The following PDXDC1 variants were observed in gnomAD, a reference collection of about 807,000 sequenced individuals.
PDXDC1 encodes pyridoxal dependent decarboxylase domain containing 1.
PDXDC1 carries 42 observed loss-of-function variants against 100.1 expected under a neutral mutation model. The ratio of observed to expected loss-of-function variants is 0.42; its 90% CI spans 0.33 to 0.54. PDXDC1 has a LOEUF of 0.54. Ranked by LOEUF, PDXDC1 falls within the 20% of genes least tolerant of loss-of-function variation. The pLI, the probability that PDXDC1 is intolerant of heterozygous loss-of-function variation, is 0.10. For synonymous variants in PDXDC1, 260 were observed against 371.7 expected, an observed-to-expected ratio of 0.70 and a Z score of 3.46; for missense variants, 636 against 979.2, an observed-to-expected ratio of 0.65 and a Z score of 4.68.
chr16:15,098,999 G>C (rs573115994), intron 16 of PDXDC1, among the ~76,000 whole-genome samples: 1 of 152,196 alleles, frequency 6.6e-6, no homozygotes, highest in Non-Finnish European at 1.5e-5. Context: ...CTTTTTGAAG[G>C]CTGTGCCAAT....
chr16:15,085,492 T>G (rs1286714091), intron 16 of PDXDC1: 22 of 941,066 alleles, frequency 2.3e-5, no homozygotes. Context: ...AAAAAAAATG[T>G]TTTTTTGCAG....
chr16:15,121,930 CAA>C (rs1460638097), intron 16 of PDXDC1: 1 of 252,802 alleles, frequency 4.0e-6, no homozygotes, highest in African/African-American at 2.4e-5. Context: ...ATCACGAGGT[CAA>C]GAGATGGAGA....
chr16:15,013,523 A>C (rs998877137), intron 8 of PDXDC1, among the ~76,000 whole-genome samples: 2 of 152,246 alleles, frequency 1.3e-5, no homozygotes, highest in African/African-American at 4.8e-5. Context: ...CATGCTCTAT[A>C]TATTTGTCAA....
At chr16:15,085,549 C>G (rs1028022648) in intron 16 of PDXDC1, 2 of 1,561,142 alleles carry the variant, frequency 1.3e-6, no homozygotes, top group Admixed American at 1.9e-5. Flanking sequence ...AACTCTTGGC[C>G]TCAAGTGATC....
chr16:15,030,456 G>T (rs186938772), intron 16 of PDXDC1, among the ~76,000 whole-genome samples: 2 of 126,884 alleles, frequency 1.6e-5, no homozygotes, highest in African/African-American at 5.7e-5. Context: ...TGAGGCAGGA[G>T]AATCACTTGA....
intron 16 of PDXDC1, chr16:15,128,400 AGAGG>A: frequency 6.7e-7 from 1 of 1,498,780 alleles, no homozygotes; most frequent in Non-Finnish European, 9.2e-7. Flanking sequence ...CTGGAGGGCA[AGAGG>A]GAGGGGTGGG....
chr16:15,145,881 G>A, the PDXDC1 span, among the ~76,000 whole-genome samples: 1 of 152,234 alleles, frequency 6.6e-6, no homozygotes, highest in South Asian at 2.1e-4. Context: ...AGGGTGCTTG[G>A]CGGGCTGGGC....
chr16:15,139,831 C>A (rs1197863416), downstream of PDXDC1, among the ~76,000 whole-genome samples: 1 of 152,058 alleles, frequency 6.6e-6, no homozygotes, highest in South Asian at 2.1e-4. Flanking sequence ...GGCACGGTGG[C>A]TCACTCCTGT....
chr16:15,033,362 T>C lies in PDXDC1; in HGVS notation c.1775T>C (p.Ile592Thr), dbSNP rs755874839. ...NVDAAELVET[I>T]AATAREIEEN... ...GATGCTGCTGAGCTCGTGGAGACCA[T>C]TGCGGCCACAGCCCGGGAGATAGAG... Residue 592 changes from isoleucine (I) to threonine (T), a missense_variant, in exon 19 of 23, where the codon ATT becomes ACT. By Grantham distance (89) the Ile-to-Thr change is moderately conservative. This residue lies in a region of PDXDC1 where 452 missense variants were observed against 402.9 expected (regional missense o/e 1.12). Coordinates refer to ENST00000396410, the MANE Select transcript of PDXDC1 (RefSeq NM_015027.4). 5.6e-6 allele frequency: 9 copies of C among 1,614,074 alleles called. No homozygotes were observed. The highest frequency in any genetic ancestry group is 7.6e-6 in the Non-Finnish European group (9 of 1,180,010).
the PDXDC1 span, among the ~76,000 whole-genome samples, chr16:15,144,426 C>T: frequency 6.6e-6 from 1 of 152,188 alleles, no homozygotes; most frequent in Non-Finnish European, 1.5e-5. Context: ...CAGACGGCTG[C>T]TGGCTCCGCC....
intron 16 of PDXDC1, chr16:15,128,086 C>G: frequency 1.2e-6 from 2 of 1,609,150 alleles, no homozygotes; most frequent in Non-Finnish European, 1.7e-6. Context: ...TGTGTGCCGT[C>G]TGCAGGTCCC....
chr16:15,143,681 G>A (rs957774194), downstream of PDXDC1, among the ~76,000 whole-genome samples: 3 of 152,206 alleles, frequency 2.0e-5, no homozygotes, highest in African/African-American at 4.8e-5. Context: ...AGCCGGGGTC[G>A]GGGCGTGCAA....
chr16:15,011,746 C>T (rs1309058248), intron 8 of PDXDC1, among the ~76,000 whole-genome samples: 1 of 152,178 alleles, frequency 6.6e-6, no homozygotes, highest in Non-Finnish European at 1.5e-5. Flanking sequence ...TCACTGCAAC[C>T]TCCGCCTCCC....
intron 16 of PDXDC1, among the ~76,000 whole-genome samples, chr16:15,053,169 T>C (rs2044362472): frequency 6.6e-6 from 1 of 152,266 alleles, no homozygotes; most frequent in Non-Finnish European, 1.5e-5. Context: ...TCGTGGCTAC[T>C]GTACTGAATA....
At chr16:15,030,552 A>G (rs1330216032) in intron 16 of PDXDC1, among the ~76,000 whole-genome samples, 2 of 148,442 alleles carry the variant, frequency 1.3e-5, no homozygotes. Flanking sequence ...CTCAAAAAAA[A>G]AAAAAAAAAA....
chr16:15,054,144 G>A (rs1191525486), intron 16 of PDXDC1, among the ~76,000 whole-genome samples: 7 of 152,148 alleles, frequency 4.6e-5, no homozygotes, highest in African/African-American at 1.7e-4. Flanking sequence ...CGCCCCAGGC[G>A]GCTTGCCCAG....
rs764452747 is a variant in PDXDC1 at position 15,127,873 on chromosome 16, C to T, written c.1400-11006C>T. 43 of 1,560,476 alleles carry T rather than the reference C, an allele frequency of 2.8e-5. No homozygotes were observed. The South Asian group carries it at 3.6e-4, about 13-fold the overall frequency. On this transcript the variant is annotated intron_variant, in intron 16 of 16. Coordinates refer to the PDXDC1 transcript ENST00000535621. ...CTGCAGCTCAGCCACCAGCAGGCGC[C>T]GGAAGCGCAACAGGGCTGCGTGACC...
intron 16 of PDXDC1, chr16:15,127,375 C>T (rs542963218): frequency 3.1e-4 from 292 of 943,380 alleles, no homozygotes; most frequent in Middle Eastern, 6.2e-4. Flanking sequence ...GACGCCTTTC[C>T]CTCTGGCTGC....
intron 16 of PDXDC1, chr16:15,044,257 T>C (rs1428743658): frequency 5.6e-5 from 54 of 969,210 alleles, no homozygotes; most frequent in Non-Finnish European, 4.7e-5. Context: ...TTTGTACCAA[T>C]TGGGATTTTT....
Sources: gnomAD v4.1 joint callset for allele counts (sites outside exome capture counted in the v4.1 genomes callset) on GRCh38, gnomAD v4.1.1 for gene constraint, gnomAD v4.1.1 regional missense constraint, MANE v1.5 for transcripts, NCBI Gene and HGNC (gene_info 2026-07-23, HGNC 2026-07-21) for gene names.